Variants in GBX2 observed in about 807,000 individuals in gnomAD.
The protein encoded by GBX2 is gastrulation brain homeobox 2.
Under a neutral mutation model 22.4 loss-of-function variants are expected in GBX2, and 5 were observed. That is an observed-to-expected ratio of 0.22 (90% CI 0.12 to 0.47). The LOEUF is 0.47. Among genes scored for constraint, GBX2 ranks in the 20% least tolerant of loss-of-function variants. The pLI is 0.99. For missense variants in GBX2, 470 were observed against 495.4 expected (o/e 0.95, Z 0.49); for synonymous variants, 220 against 230.5 (o/e 0.95, Z 0.41).
At chr2:236,161,613 C>A (rs960171223), downstream of GBX2, among the ~76,000 whole-genome samples, 6 of 152,218 alleles carry the variant, frequency 3.9e-5, no homozygotes, top group Non-Finnish European at 8.8e-5. Flanking sequence ...CTGAGCACTG[C>A]GCTGAAGCTG....
At position 236,168,251 on chromosome 2, in the gene GBX2, C is replaced by T. The variant is rs1239354154; in HGVS notation, c.-280G>A. 9.3e-6 allele frequency: 2 copies of T among 214,604 alleles called. No individual in the cohort carries two copies. Among genetic ancestry groups the T allele is most frequent in the Non-Finnish European group, 1.8e-5 (2 of 109,606 alleles). The allele number at this position is 214,604 out of a possible 1,614,324, so 13.3% of individuals were successfully genotyped here. Reference sequence around the variant, plus strand: ...CGCCGCTTGCCCGTCGGAGCCCGCGCGCTTCGCGGGTTTGGCCCTCGGCCC... The same window carrying T: ...CGCCGCTTGCCCGTCGGAGCCCGCGTGCTTCGCGGGTTTGGCCCTCGGCCC... On this transcript the variant is annotated 5_prime_UTR_variant, in exon 1 of 2. Coordinates refer to ENST00000306318, the MANE Select transcript of GBX2 (RefSeq NM_001485.4).
chr2:236,167,176 T>C, intron 1 of GBX2: 1 of 1,535,526 alleles, frequency 6.5e-7, no homozygotes. Context: ...AGAGGCGGCC[T>C]CGGCCAAACG....
In GBX2 at chr2:236,167,556, T is replaced by C; in HGVS notation, c.416A>G (p.Asp139Gly). ...PQPLPGGGNF[D>G]KAEALQADAE... ...GTCAGCCTGCAGCGCCTCCGCCTTG[T>C]CGAAGTTACCGCCGCCGGGCAGCGG... Residue 139 changes from aspartate (D) to glycine (G), a missense_variant, in exon 1 of 2, where the codon GAC (aspartate) becomes GGC (glycine). Coordinates refer to ENST00000306318, the MANE Select transcript of GBX2 (RefSeq NM_001485.4). 1 of 1,599,152 alleles carries C rather than the reference T, an allele frequency of 6.3e-7. No individual in the cohort carries two copies.
chr2:236,163,500 T>G (rs2060222160), downstream of GBX2, among the ~76,000 whole-genome samples: 1 of 152,190 alleles, frequency 6.6e-6, no homozygotes, highest in South Asian at 2.1e-4. Flanking sequence ...CTGCCCCTCA[T>G]CCCTGCCATG....
chr2:236,163,151 C>T (rs2060220501), downstream of GBX2, among the ~76,000 whole-genome samples: 1 of 152,080 alleles, frequency 6.6e-6, no homozygotes, highest in Non-Finnish European at 1.5e-5. Flanking sequence ...GCCATGATGA[C>T]GGCCATGATG....
At chr2:236,164,859 C>A (rs1029891293), downstream of GBX2, among the ~76,000 whole-genome samples, 2 of 152,306 alleles carry the variant, frequency 1.3e-5, no homozygotes, top group African/African-American at 2.4e-5. Flanking sequence ...AAGACGTTTC[C>A]TCCCTGGCTG....
chr2:236,168,104 C>T lies in GBX2; in HGVS notation c.-133G>A. 2.1e-6 allele frequency: 2 copies of T among 960,448 alleles called. No individual in the cohort carries two copies. The highest frequency in any genetic ancestry group is 2.8e-6 in the Non-Finnish European group (2 of 722,392). 59.5% of individuals were successfully genotyped at this position (960,448 alleles called of 1,614,324 possible). On this transcript the variant is annotated 5_prime_UTR_variant, in exon 1 of 2. Transcript: ENST00000306318. ...CGAGCGGGACCCGGAGAGCAGACGC[C>T]TCCGCCCCTCAGTCCTGGGCCCGCT...
At position 236,167,406 on chromosome 2, in the gene GBX2, TCCTCCCGCCC is replaced by T. The variant is rs754288079; in HGVS notation, c.523+33_523+42del. The T allele has an allele frequency of 1.6e-5, 21 of 1,338,114 alleles. No homozygotes were observed. In the East Asian group the frequency reaches 6.2e-4, roughly 40 times the overall value. 82.9% of individuals were successfully genotyped at this position (1,338,114 alleles called of 1,614,324 possible). A position where few individuals can be genotyped will look rare whatever the true frequency, so the allele number is the denominator to read the frequency against. On this transcript the variant is annotated intron_variant, in intron 1 of 1. Coordinates refer to ENST00000306318, the MANE Select transcript of GBX2 (RefSeq NM_001485.4). ...AACCCGGCGCTGGCCCGCCCCCGCC[TCCTCCCGCCC>T]CCTCGTCCCGGCTGCGCGCGCCGCC...
Position 236,167,542 on chromosome 2 carries a change from G to T in GBX2, c.430C>A (p.Leu144Met). The change falls in exon 1 of 2, where the codon CTG becomes ATG. Residue 144 changes from leucine (L) to methionine (M), a missense_variant. Transcript: ENST00000306318. ...TTGCCGTCCTCCGCGTCAGCCTGCA[G>T]CGCCTCCGCCTTGTCGAAGTTACCG... ...GGGNFDKAEA[L>M]QADAEDGKGF... 1 of 1,599,616 alleles carries T rather than the reference G, an allele frequency of 6.3e-7. No individual in the cohort carries two copies.
Position 236,167,536 on chromosome 2 carries a change from C to G in GBX2, c.436G>C (p.Ala146Pro), listed in dbSNP as rs775356080. ...GNFDKAEALQ[A>P]DAEDGKGFLA... Reference sequence around the variant, plus strand: ...AAGCCTTTGCCGTCCTCCGCGTCAGCCTGCAGCGCCTCCGCCTTGTCGAAG... The same window carrying G: ...AAGCCTTTGCCGTCCTCCGCGTCAGGCTGCAGCGCCTCCGCCTTGTCGAAG... The change falls in exon 1 of 2, where the codon GCT (alanine) becomes CCT (proline). Residue 146 changes from alanine (A) to proline (P), a missense_variant. Around this residue, in one of 4 missense-constraint regions of GBX2, gnomAD observed 377 missense variants for 358.6 expected, o/e 1.05. Coordinates refer to ENST00000306318, the MANE Select transcript of GBX2 (RefSeq NM_001485.4). 2 of 1,599,378 alleles carry G rather than the reference C, an allele frequency of 1.3e-6. No homozygotes were observed. Among genetic ancestry groups the G allele is most frequent in the Non-Finnish European group, 1.7e-6 (2 of 1,175,868 alleles).
downstream of GBX2, among the ~76,000 whole-genome samples, chr2:236,161,538 C>G (rs1352966964): frequency 3.9e-5 from 6 of 152,188 alleles, no homozygotes; most frequent in African/African-American, 1.4e-4. Flanking sequence ...TCTGGGCTGT[C>G]CCTGTAGAAC....
In GBX2 at chr2:236,168,163, G is replaced by C; in HGVS notation, c.-192C>G. The C allele has an allele frequency of 2.2e-6, 1 of 463,262 alleles. No homozygotes were observed. The highest frequency in any genetic ancestry group is 3.3e-6 in the Non-Finnish European group (1 of 301,244). The allele number at this position is 463,262 out of a possible 1,614,324, so 28.7% of individuals were successfully genotyped here. The stretch of plus-strand genomic sequence containing the variant: ...GGCGGGTGCAGGGGGTGTGCGGGGT[G>C]AGGCCGTGCGCCCCGGAGTGGAGAG... On this transcript the variant is annotated 5_prime_UTR_variant, in exon 1 of 2. Transcript: ENST00000306318.
In GBX2 at chr2:236,165,757, C is replaced by A; in HGVS notation, c.*157G>T. 1.6e-6 allele frequency: 1 copy of A among 629,636 alleles called. No homozygotes were observed. The allele number at this position is 629,636 out of a possible 1,614,324, so 39.0% of individuals were successfully genotyped here. A position where few individuals can be genotyped will look rare whatever the true frequency, so the allele number is the denominator to read the frequency against. On this transcript the variant is annotated 3_prime_UTR_variant, in exon 2 of 2. Coordinates refer to ENST00000306318, the MANE Select transcript of GBX2 (RefSeq NM_001485.4). Reference sequence around the variant, plus strand: ...GGCTGTAAGCCCCTTCAAAAGCAGTCTTTTAAGCCCATTTAGTGAATATAT... The same window carrying A: ...GGCTGTAAGCCCCTTCAAAAGCAGTATTTTAAGCCCATTTAGTGAATATAT...
Position 236,166,456 on chromosome 2 carries a change from G to A in GBX2, c.524-19C>T, listed in dbSNP as rs1160238993. 6.3e-7 allele frequency: 1 copy of A among 1,597,818 alleles called. No individual in the cohort carries two copies. Among genetic ancestry groups the A allele is most frequent in the Non-Finnish European group, 8.6e-7 (1 of 1,168,876 alleles). ...GCCCCGACTGAAAGCAAAACCAAAC[G>A]GCATTTTATTACATTTCGCACACTG... On this transcript the variant is annotated intron_variant, in intron 1 of 1. Transcript: ENST00000306318. The surrounding 1 kb of genome is among the most constrained non-coding windows in gnomAD (Gnocchi z 6.6).
rs1441529027 is a variant in GBX2, at chr2:236,168,018, G to T, written c.-47C>A. The T allele has an allele frequency of 2.8e-6, 4 of 1,405,322 alleles. No individual in the cohort carries two copies. In the African/African-American group the frequency reaches 4.5e-5, roughly 16 times the overall value. 87.1% of individuals were successfully genotyped at this position (1,405,322 alleles called of 1,614,324 possible). A position where few individuals can be genotyped will look rare whatever the true frequency, so the allele number is the denominator to read the frequency against. The stretch of plus-strand genomic sequence containing the variant: ...GCGAGAGGCGAAAAGTCCCCGCGCC[G>T]CGCCGCCGCCGGGAAGCCCGCCGGA... On this transcript the variant is annotated 5_prime_UTR_variant, in exon 1 of 2. Transcript: ENST00000306318.
At chr2:236,162,669 G>A (rs1463221736), downstream of GBX2, among the ~76,000 whole-genome samples, 7 of 152,194 alleles carry the variant, frequency 4.6e-5, no homozygotes, top group Admixed American at 1.3e-4. Flanking sequence ...CGGTGGCTGC[G>A]GGGTGCAGGC....
rs749366285 is a variant in GBX2, at chr2:236,166,433, C to T, written c.528G>A (p.Gly176=). The T allele has an allele frequency of 1.2e-6, 2 of 1,605,578 alleles. No homozygotes were observed. The highest frequency in any genetic ancestry group is 1.3e-5 in the African/African-American group (1 of 74,724). The change falls in exon 2 of 2, where the codon GGG becomes GGA. Residue 176 remains glycine, a synonymous_variant. Transcript: ENST00000306318. The surrounding 1 kb of genome is among the most constrained non-coding windows in gnomAD (Gnocchi z 6.6). ...AAETVQASLV[G]AVRGQGKDES... is the part of the protein sequence containing the mutation. ...CGTCTTTCCCTTGCCCTCGGACAGC[C>T]CCGACTGAAAGCAAAACCAAACGGC...
At chr2:236,163,318 C>T (rs910437163), downstream of GBX2, among the ~76,000 whole-genome samples, 4 of 152,094 alleles carry the variant, frequency 2.6e-5, no homozygotes, top group Non-Finnish European at 5.9e-5. Flanking sequence ...GCGGCATCGG[C>T]CAGCTTGGGG....
At chr2:236,164,545 G>A (rs1456490155), downstream of GBX2, among the ~76,000 whole-genome samples, 6 of 151,982 alleles carry the variant, frequency 3.9e-5, no homozygotes, top group Admixed American at 1.3e-4. Flanking sequence ...CTTGCAGACC[G>A]ACTCCCAGCT....
Sources: gnomAD v4.1 joint callset for allele counts (sites outside exome capture counted in the v4.1 genomes callset) on GRCh38, gnomAD v4.1.1 for gene constraint, gnomAD v4.1.1 regional missense constraint, Gnocchi (gnomAD v3.1) non-coding constraint, MANE v1.5 for transcripts, NCBI Gene and HGNC (gene_info 2026-07-23, HGNC 2026-07-21) for gene names.